LOC400499: variants seen among roughly 807,000 people sequenced by gnomAD.
chr16:11,472,120 A>G, the LOC400499 span: 1 of 283,124 alleles, frequency 3.5e-6, no homozygotes, highest in Admixed American at 5.3e-5. Context: ...ACAACCAAAT[A>G]TTTCTGCACA....
chr16:11,392,700 G>C, the LOC400499 span: 1 of 868,212 alleles, frequency 1.2e-6, no homozygotes, highest in Non-Finnish European at 1.4e-6. Flanking sequence ...CGACACGGCA[G>C]TCAGTTAGGG....
the LOC400499 span, chr16:11,515,914 TAG>T: frequency 1.4e-5 from 3 of 207,480 alleles, no homozygotes; most frequent in Non-Finnish European, 2.4e-5. Flanking sequence ...CAGCCCAGCC[TAG>T]CCCAGCACTT....
At chr16:11,400,976 C>G in the LOC400499 span, among the ~76,000 whole-genome samples, 1 of 152,170 alleles carries the variant, frequency 6.6e-6, no homozygotes, top group African/African-American at 2.4e-5. Context: ...AAACAAGCAA[C>G]TATAAATGAT....
At chr16:11,479,806 C>T in the LOC400499 span, among the ~76,000 whole-genome samples, 1 of 152,100 alleles carries the variant, frequency 6.6e-6, no homozygotes, top group Non-Finnish European at 1.5e-5. Flanking sequence ...TTACATTTCA[C>T]CAGTTTTTCC....
At chr16:11,436,846 G>T in the LOC400499 span, among the ~76,000 whole-genome samples, 1 of 151,762 alleles carries the variant, frequency 6.6e-6, no homozygotes, top group East Asian at 1.9e-4. Context: ...TGTCTGCCTC[G>T]ACCTCCCAAA....
the LOC400499 span, chr16:11,516,113 C>A: frequency 2.3e-5 from 9 of 399,596 alleles, no homozygotes; most frequent in Admixed American, 8.8e-5. Context: ...ACCTCTACCC[C>A]CTACCCCCTT....
the LOC400499 span, chr16:11,461,001 G>T: frequency 6.5e-7 from 1 of 1,536,056 alleles, no homozygotes; most frequent in Admixed American, 2.0e-5. Context: ...AGTTGGTCCA[G>T]AGCTGGCCCC....
chr16:11,517,371 C>G, the LOC400499 span, among the ~76,000 whole-genome samples: 1 of 152,220 alleles, frequency 6.6e-6, no homozygotes, highest in South Asian at 2.1e-4. Context: ...TACCTCTTCT[C>G]CTAATGTCAG....
the LOC400499 span, among the ~76,000 whole-genome samples, chr16:11,439,149 C>G: frequency 6.6e-6 from 1 of 152,170 alleles, no homozygotes; most frequent in Admixed American, 6.5e-5. Context: ...TGCCCCGGGT[C>G]AACAAAGCCC....
the LOC400499 span, among the ~76,000 whole-genome samples, chr16:11,500,373 G>C: frequency 6.6e-6 from 1 of 152,052 alleles, no homozygotes; most frequent in Non-Finnish European, 1.5e-5. Context: ...TAGCCAGGTG[G>C]GGTGGTGCAT....
At chr16:11,447,448 G>A in the LOC400499 span, among the ~76,000 whole-genome samples, 1 of 152,292 alleles carries the variant, frequency 6.6e-6, no homozygotes, top group South Asian at 2.1e-4. Context: ...TCCATAGTAT[G>A]TGCTCAATGA....
chr16:11,419,967 G>C, the LOC400499 span, among the ~76,000 whole-genome samples: 2 of 151,176 alleles, frequency 1.3e-5, no homozygotes, highest in African/African-American at 4.9e-5. Context: ...AGGATGTGGA[G>C]AAATAGGAAC....
At chr16:11,487,199 G>A in the LOC400499 span, 2 of 398,708 alleles carry the variant, frequency 5.0e-6, no homozygotes, top group Non-Finnish European at 8.8e-6. Flanking sequence ...AAGTGACTGG[G>A]ATATTTTTTG....
chr16:11,381,091 G>A, the LOC400499 span: 2 of 152,080 alleles, frequency 1.3e-5, no homozygotes, highest in South Asian at 4.2e-4. Context: ...TCACAGCCTG[G>A]CCATTTGGAT....
At chr16:11,375,113 G>A in the LOC400499 span, among the ~76,000 whole-genome samples, 2 of 150,936 alleles carry the variant, frequency 1.3e-5, no homozygotes, top group Admixed American at 6.6e-5. Flanking sequence ...TTCCCATAGT[G>A]CTGGGATTAC....
the LOC400499 span, among the ~76,000 whole-genome samples, chr16:11,469,862 C>T: frequency 6.6e-5 from 10 of 152,290 alleles, no homozygotes; most frequent in South Asian, 2.1e-4. Flanking sequence ...CAGGGAGAAG[C>T]GGCTGCGGTG....
the LOC400499 span, among the ~76,000 whole-genome samples, chr16:11,502,589 C>T: frequency 6.6e-6 from 1 of 151,578 alleles, no homozygotes; most frequent in Non-Finnish European, 1.5e-5. Flanking sequence ...AGCGAGGTGG[C>T]AATCTTTTCC....
chr16:11,475,383 G>T, the LOC400499 span, among the ~76,000 whole-genome samples: 1 of 152,048 alleles, frequency 6.6e-6, no homozygotes, highest in African/African-American at 2.4e-5. Flanking sequence ...AATCATCTCT[G>T]AAAAAAGGCA....
chr16:11,459,729 G>C, the LOC400499 span, among the ~76,000 whole-genome samples: 4 of 152,206 alleles, frequency 2.6e-5, no homozygotes, highest in Admixed American at 1.3e-4. Flanking sequence ...CACCCCTGGG[G>C]ACATGGGGTC....
Sources: allele counts gnomAD v4.1 joint callset (sites outside exome capture counted in the v4.1 genomes callset), GRCh38; gene constraint gnomAD v4.1.1; transcripts MANE v1.5.